The following KIF13A variants were observed in gnomAD, a reference collection of about 807,000 sequenced individuals.
The protein encoded by KIF13A is kinesin-like protein KIF13A.
In KIF13A, 79 loss-of-function variants were observed where a neutral mutation model predicts 212.2. The observed-to-expected ratio is 0.37, with a 90% CI of 0.31 to 0.45. The LOEUF is 0.45. KIF13A is among the 20% of genes least tolerant of loss of function. The pLI is 1.00. For synonymous variants in KIF13A, 789 were observed against 808.6 expected (o/e 0.98, Z 0.41); for missense variants, 1,901 against 2,209.0 (o/e 0.86, Z 2.79).
chr6:17,896,488 T>C (rs1772577085), intron 3 of KIF13A, among the ~76,000 whole-genome samples: 1 of 152,330 alleles, frequency 6.6e-6, no homozygotes, highest in African/African-American at 2.4e-5. Flanking sequence ...CTATATCTAC[T>C]TTGTGTCCAT....
Position 17,777,134 on chromosome 6 carries a change from C to T in KIF13A, c.4170+143G>A, listed in dbSNP as rs547651023. Reference sequence around the variant, plus strand: ...ACAACTGTGCTGCCTGGTGTGTGTCCCTGGTACAGAGAAGCAGGCTACACT... The same window carrying T: ...ACAACTGTGCTGCCTGGTGTGTGTCTCTGGTACAGAGAAGCAGGCTACACT... On this transcript the variant is annotated intron_variant, in intron 34 of 38. Transcript: ENST00000259711. This position sits in a 1 kb window ranked among gnomAD's most constrained non-coding sequence, Gnocchi z 4.4. 3.0e-6 allele frequency: 2 copies of T among 670,484 alleles called. No individual in the cohort carries two copies. The highest frequency in any genetic ancestry group is 5.5e-5 in the East Asian group (2 of 36,642). The allele number at this position is 670,484 out of a possible 1,614,324, so 41.5% of individuals were successfully genotyped here. A position where few individuals can be genotyped will look rare whatever the true frequency, so the allele number is the denominator to read the frequency against.
Position 17,898,114 on chromosome 6 carries a change from TG to T in KIF13A, c.159+53del. On this transcript the variant is annotated intron_variant, in intron 3 of 38. Coordinates refer to ENST00000259711, the MANE Select transcript of KIF13A (RefSeq NM_022113.6). This position sits in a 1 kb window ranked among gnomAD's most constrained non-coding sequence, Gnocchi z 5.2. ...CTACATGGGTTACAGTGATAAATCCTGGATTTTTGCACACTAAGCCAGTATA... is the reference window on the plus strand; with the variant it reads ...CTACATGGGTTACAGTGATAAATCCTGATTTTTGCACACTAAGCCAGTATA... The T allele has an allele frequency of 1.3e-6, 2 of 1,567,952 alleles. No individual in the cohort carries two copies. Among genetic ancestry groups the T allele is most frequent in the Non-Finnish European group, 1.8e-6 (2 of 1,141,260 alleles).
In KIF13A at chr6:17,871,376, G is replaced by A. The variant is rs1304605574; in HGVS notation, c.220+2001C>T. Among the ~76,000 whole-genome samples, 1 of 151,926 alleles carries A rather than the reference G, an allele frequency of 6.6e-6. No homozygotes were observed. Among genetic ancestry groups the A allele is most frequent in the African/African-American group, 2.4e-5 (1 of 41,324 alleles). ...CTCTTTAAAATCTGGTGCCTTTCCA[G>A]ATTTTATCTCTCCTTGGATTTTATG... On this transcript the variant is annotated intron_variant, in intron 4 of 38. Transcript: ENST00000259711. The surrounding 1 kb of genome is among the most constrained non-coding windows in gnomAD (Gnocchi z 4.4).
rs762745667 is a variant in KIF13A, at chr6:17,794,417, ATGGG to A, written c.3076-26_3076-23del. ...GACCCTGAAGAGGGTGGGGAGGAGT[ATGGG>A]TGCCAGGAATGATAATGAAAAGGAA... is the stretch of plus-strand genomic sequence containing the variant. On this transcript the variant is annotated intron_variant, in intron 24 of 38. Coordinates refer to ENST00000259711, the MANE Select transcript of KIF13A (RefSeq NM_022113.6). The surrounding 1 kb of genome is among the most constrained non-coding windows in gnomAD (Gnocchi z 4.1). The A allele has an allele frequency of 1.9e-6, 3 of 1,601,148 alleles. No homozygotes were observed. The Admixed American group carries it at 5.1e-5, about 27-fold the overall frequency.
chr6:17,781,632 T>G (rs1325203596), intron 29 of KIF13A, among the ~76,000 whole-genome samples: 1 of 148,226 alleles, frequency 6.7e-6, no homozygotes, highest in Non-Finnish European at 1.5e-5. Flanking sequence ...GGTTTTTTTT[T>G]TTTTTTTTTT....
intron 2 of KIF13A, among the ~76,000 whole-genome samples, chr6:17,955,872 G>A (rs1778316015): frequency 1.3e-5 from 2 of 152,138 alleles, no homozygotes; most frequent in African/African-American, 4.8e-5. Context: ...CTAAATACAT[G>A]CAAATTTATG....
At chr6:17,932,173 C>T (rs1776041387) in intron 2 of KIF13A, among the ~76,000 whole-genome samples, 1 of 152,176 alleles carries the variant, frequency 6.6e-6, no homozygotes, top group South Asian at 2.1e-4. Context: ...CAGATACACA[C>T]ACATAACTTT....
chr6:17,987,318 G>T lies in KIF13A; in HGVS notation c.55+91C>A, dbSNP rs1581967404. The stretch of plus-strand genomic sequence containing the variant: ...CCTCCGCCCCGGCCCCCCGGCCCCG[G>T]CCGCGCTCTCGCCGTCCCGGCCCCG... On this transcript the variant is annotated intron_variant, in intron 1 of 38. Coordinates refer to ENST00000259711, the MANE Select transcript of KIF13A (RefSeq NM_022113.6). The surrounding 1 kb of genome is among the most constrained non-coding windows in gnomAD (Gnocchi z 7.7). 18 of 1,031,136 alleles carry T rather than the reference G, an allele frequency of 1.7e-5. No homozygotes were observed. The highest frequency in any genetic ancestry group is 3.2e-5 in the Admixed American group (1 of 30,802). 63.9% of individuals were successfully genotyped at this position (1,031,136 alleles called of 1,614,324 possible). A position where few individuals can be genotyped will look rare whatever the true frequency, so the allele number is the denominator to read the frequency against.
At chr6:17,904,649 A>G (rs1773335493) in intron 2 of KIF13A, among the ~76,000 whole-genome samples, 1 of 152,212 alleles carries the variant, frequency 6.6e-6, no homozygotes. Flanking sequence ...TAAAAATCCT[A>G]AACAGCTGAA....
intron 17 of KIF13A, among the ~76,000 whole-genome samples, chr6:17,814,249 CTTT>C (rs34056148): frequency 6.5e-4 from 58 of 89,558 alleles, no homozygotes; most frequent in South Asian, 8.9e-4. Context: ...CAGTGCCCGG[CTTT>C]TTTTTTTTTT....
In KIF13A at chr6:17,838,632, T is replaced by C. The variant is rs566578604; in HGVS notation, c.831-1049A>G. 3.3e-5 allele frequency among the ~76,000 whole-genome samples: 5 copies of C among 151,958 alleles called. No homozygotes were observed. The highest frequency in any genetic ancestry group is 7.4e-5 in the Non-Finnish European group (5 of 67,946). On this transcript the variant is annotated intron_variant, in intron 9 of 38. Transcript: ENST00000259711. This position sits in a 1 kb window ranked among gnomAD's most constrained non-coding sequence, Gnocchi z 4.2. ...TGTACATCATCTTAAGTGAAACAAG[T>C]CAAAAAAATTAAAATAAAAATATAT...
chr6:17,788,097 G>A (rs1000975306), intron 26 of KIF13A, among the ~76,000 whole-genome samples: 3 of 152,130 alleles, frequency 2.0e-5, no homozygotes, highest in African/African-American at 7.2e-5. Flanking sequence ...TGGATCTCCA[G>A]AAGGATAATT....
chr6:17,938,566 A>G (rs1776674134), intron 2 of KIF13A, among the ~76,000 whole-genome samples: 1 of 152,190 alleles, frequency 6.6e-6, no homozygotes, highest in African/African-American at 2.4e-5. Context: ...CTGGAAACAT[A>G]TGCTTATGAC....
At position 17,963,904 on chromosome 6, in the gene KIF13A, C is replaced by T. The variant is rs73373183; in HGVS notation, c.146+23150G>A. On this transcript the variant is annotated intron_variant, in intron 2 of 38. Transcript: ENST00000259711. This position sits in a 1 kb window ranked among gnomAD's most constrained non-coding sequence, Gnocchi z 4.1. ...ATAGTGGTTAATCAGGCATATGCAA[C>T]TGTAAAAACTCAAGAAAGTGTACCC... Among the ~76,000 whole-genome samples, 33,656 of 152,146 alleles carry T rather than the reference C, an allele frequency of 0.22. 4,280 individuals are homozygous for T. Among genetic ancestry groups the T allele is most frequent in the African/African-American group, 0.35 (14,639 of 41,492 alleles).
intron 4 of KIF13A, among the ~76,000 whole-genome samples, chr6:17,863,285 G>C (rs1269253357): frequency 6.6e-6 from 1 of 152,036 alleles, no homozygotes. Flanking sequence ...GTTTGTGTGT[G>C]CATGGACATG....
chr6:17,894,696 G>T (rs765848973), intron 3 of KIF13A, among the ~76,000 whole-genome samples: 4 of 151,842 alleles, frequency 2.6e-5, no homozygotes, highest in African/African-American at 4.8e-5. Context: ...TAAACTTCAC[G>T]GTTTATATTA....
intron 2 of KIF13A, among the ~76,000 whole-genome samples, chr6:17,921,232 G>A (rs1775043126): frequency 6.6e-6 from 1 of 152,186 alleles, no homozygotes; most frequent in African/African-American, 2.4e-5. Flanking sequence ...CATATCAAGT[G>A]CACTGAGAAG....
rs1205471158 is a variant in KIF13A at position 17,783,385 on chromosome 6, C to T, written c.3544+261G>A. Among the ~76,000 whole-genome samples the T allele has an allele frequency of 6.6e-6, 1 of 152,232 alleles. No homozygotes were observed. Among genetic ancestry groups the T allele is most frequent in the Admixed American group, 6.5e-5 (1 of 15,280 alleles). On this transcript the variant is annotated intron_variant, in intron 29 of 38. Coordinates refer to ENST00000259711, the MANE Select transcript of KIF13A (RefSeq NM_022113.6). The surrounding 1 kb of genome is among the most constrained non-coding windows in gnomAD (Gnocchi z 4.3). ...GACTCAGAATCTCTAGGGGTGATTA[C>T]TTTCCAGGGTAATTTCTATGTCCAC... is the stretch of plus-strand genomic sequence containing the variant.
rs376630120 is a variant in KIF13A, at chr6:17,785,562, C to T, written c.3441G>A (p.Val1147=). ...TCCCACTGCCTGGGGCTGGCACCAG[C>T]ACAGCATTCCTTTCCTCAGTCAGCC... ...WVGLTEERNA[V]LVPAPGSGIP... Residue 1147 remains valine, a synonymous_variant, in exon 28 of 39, where the codon GTG becomes GTA. Transcript: ENST00000259711. The surrounding 1 kb of genome is among the most constrained non-coding windows in gnomAD (Gnocchi z 5.8). The T allele has an allele frequency of 7.5e-5, 120 of 1,600,864 alleles. No individual in the cohort carries two copies. The highest frequency in any genetic ancestry group is 3.3e-4 in the African/African-American group (25 of 74,716).
Sources: allele counts gnomAD v4.1 joint callset (sites outside exome capture counted in the v4.1 genomes callset), GRCh38; gene constraint gnomAD v4.1.1; non-coding constraint Gnocchi (gnomAD v3.1); transcripts MANE v1.5; gene names NCBI Gene and HGNC (gene_info 2026-07-23, HGNC 2026-07-21).